Variants in CTNND1 observed in about 807,000 individuals in gnomAD.
The protein encoded by CTNND1 is catenin delta 1.
Under a neutral mutation model 112.1 loss-of-function variants are expected in CTNND1, and 16 were observed. That is an observed-to-expected ratio of 0.14 (90% confidence interval 0.10 to 0.22). The LOEUF (loss-of-function observed/expected upper bound fraction) is 0.22. Among genes scored for constraint, CTNND1 ranks in the 10% least tolerant of loss-of-function variants. CTNND1 has a pLI of 1.00. For missense variants in CTNND1, 1,008 were observed against 1,257.0 expected (o/e 0.80, Z 3.00); for synonymous variants, 420 against 446.5 (o/e 0.94, Z 0.75).
intron 2 of CTNND1, among the ~76,000 whole-genome samples, chr11:57,790,126 GC>G (rs1364479337): frequency 6.6e-6 from 1 of 152,172 alleles, no homozygotes; most frequent in African/African-American, 2.4e-5. Flanking sequence ...CTGTTGTCCA[GC>G]CTGGAGTGCA....
intron 1 of CTNND1, among the ~76,000 whole-genome samples, chr11:57,768,433 G>A (rs1445531586): frequency 5.4e-5 from 6 of 111,448 alleles, no homozygotes; most frequent in Admixed American, 2.7e-4. Flanking sequence ...TTGCTCTGTC[G>A]CCCAGGCTGG....
At chr11:57,776,397 C>T (rs1173287603) in intron 1 of CTNND1, among the ~76,000 whole-genome samples, 3 of 152,124 alleles carry the variant, frequency 2.0e-5, no homozygotes, top group South Asian at 4.1e-4. Context: ...TTTGAATTCT[C>T]AGGCACTCTT....
rs1027580511 is a variant in CTNND1 at position 57,804,681 on chromosome 11, G to T, written c.1623G>T (p.Arg541Ser). The change falls in exon 9 of 21, where the codon AGG (arginine) becomes AGT (serine). Residue 541 changes from arginine to serine, a missense_variant. Physicochemically the swap from Arg to Ser is moderately radical, Grantham distance 110. Transcript: ENST00000399050. Reference sequence around the variant, plus strand: ...CCCTCAGGAATGTAAGCTCAGAGAGGAGTGAAGCTCGCCGGAAACTTCGGG... The same window carrying T: ...CCCTCAGGAATGTAAGCTCAGAGAGTAGTGAAGCTCGCCGGAAACTTCGGG... ...AGCLRNVSSE[R>S]SEARRKLREC... 3 of 1,613,824 alleles carry T rather than the reference G, an allele frequency of 1.9e-6. No homozygotes were observed. The highest frequency in any genetic ancestry group is 1.7e-6 in the Non-Finnish European group (2 of 1,179,788).
intron 6 of CTNND1, among the ~76,000 whole-genome samples, chr11:57,798,296 G>A (rs1042982647): frequency 2.1e-5 from 3 of 144,914 alleles, no homozygotes; most frequent in Non-Finnish European, 4.5e-5. Context: ...GTAGTGAGCC[G>A]AGATCCCGCC....
At chr11:57,784,102 G>T (rs2059891499) in intron 1 of CTNND1, among the ~76,000 whole-genome samples, 1 of 151,640 alleles carries the variant, frequency 6.6e-6, no homozygotes, top group East Asian at 2.0e-4. Context: ...TAATTTTTTT[G>T]TAGAGGTGGG....
intron 6 of CTNND1, among the ~76,000 whole-genome samples, chr11:57,797,282 G>GT (rs1442724838): frequency 6.7e-6 from 1 of 148,740 alleles, no homozygotes; most frequent in Non-Finnish European, 1.5e-5. Flanking sequence ...CCATGCTGGA[G>GT]TACAGGGGTG....
chr11:57,802,683 T>G (rs1011111598), intron 7 of CTNND1, among the ~76,000 whole-genome samples: 1 of 152,266 alleles, frequency 6.6e-6, no homozygotes, highest in African/African-American at 2.4e-5. Flanking sequence ...TATAGACATT[T>G]AAGCTTGTGG....
At chr11:57,784,715 A>G (rs961326186) in intron 1 of CTNND1, among the ~76,000 whole-genome samples, 2 of 152,152 alleles carry the variant, frequency 1.3e-5, no homozygotes, top group Non-Finnish European at 2.9e-5. Context: ...CATGTTGACC[A>G]GGCTGGTTTC....
rs2064000200 is a variant in CTNND1 at position 57,816,450 on chromosome 11, C to T, written c.*142C>T. On this transcript the variant is annotated 3_prime_UTR_variant, in exon 21 of 21. Coordinates refer to ENST00000399050, the MANE Select transcript of CTNND1 (RefSeq NM_001085458.2). ...CTGCCCTTACAGCCCTAAGTGGCTG[C>T]CTTCTTTCCATCAACTCCCAACTTC... The T allele has an allele frequency of 3.0e-6, 3 of 998,092 alleles. No homozygotes were observed. The highest frequency in any genetic ancestry group is 4.6e-6 in the Non-Finnish European group (3 of 650,898). The allele number at this position is 998,092 out of a possible 1,614,324, so 61.8% of individuals were successfully genotyped here. A position where few individuals can be genotyped will look rare whatever the true frequency, so the allele number is the denominator to read the frequency against.
At chr11:57,787,607 T>C (rs1390010073) in intron 1 of CTNND1, among the ~76,000 whole-genome samples, 1 of 152,190 alleles carries the variant, frequency 6.6e-6, no homozygotes, top group Non-Finnish European at 1.5e-5. Flanking sequence ...GCAAATGGAT[T>C]TGGCATCTTA....
At chr11:57,812,896 A>G (rs1235588111) in intron 17 of CTNND1, among the ~76,000 whole-genome samples, 1 of 152,210 alleles carries the variant, frequency 6.6e-6, no homozygotes, top group African/African-American at 2.4e-5. Flanking sequence ...TTTGGCAGAC[A>G]TTTTCTCAAA....
rs2062869002 is a variant in CTNND1 at position 57,807,653 on chromosome 11, TACTAAAAGAAATTTGG to T, written c.1964-510_1964-495del. ...AAAAGAAAAGATACTTTTTGTACTT[TACTAAAAGAAATTTGG>T]ATCTTTATATTCATCAATACAGTGA... On this transcript the variant is annotated intron_variant, in intron 12 of 20. Transcript: ENST00000399050. Among the ~76,000 whole-genome samples the T allele has an allele frequency of 3.3e-5, 5 of 151,486 alleles. No homozygotes were observed. The South Asian group carries it at 1.0e-3, about 32-fold the overall frequency.
intron 6 of CTNND1, among the ~76,000 whole-genome samples, chr11:57,797,510 C>T (rs1340845081): frequency 1.5e-5 from 2 of 135,192 alleles, no homozygotes; most frequent in Non-Finnish European, 3.1e-5. Context: ...GGATTACAGG[C>T]GTGAGCCACC....
intron 1 of CTNND1, among the ~76,000 whole-genome samples, chr11:57,763,558 G>A (rs1322797779): frequency 1.3e-5 from 2 of 152,118 alleles, no homozygotes; most frequent in African/African-American, 4.8e-5. Context: ...CTAGGCAAAG[G>A]CTGCAGGAAA....
At chr11:57,767,699 T>C (rs550981359) in intron 1 of CTNND1, among the ~76,000 whole-genome samples, 3 of 152,116 alleles carry the variant, frequency 2.0e-5, no homozygotes, top group South Asian at 2.1e-4. Context: ...TTATAGATTG[T>C]TGTGACACTT....
At chr11:57,765,623 T>C (rs1950864340) in intron 1 of CTNND1, among the ~76,000 whole-genome samples, 1 of 151,896 alleles carries the variant, frequency 6.6e-6, no homozygotes, top group South Asian at 2.1e-4. Flanking sequence ...CACACCACTA[T>C]GCTTGGCTAA....
chr11:57,803,934 T>G (rs974220227), intron 8 of CTNND1, 130 bp downstream of exon 8: 4 of 622,082 alleles, frequency 6.4e-6, no homozygotes. Context: ...TTGCATACTG[T>G]AACTCCAACC....
intron 4 of CTNND1, 85 bp from the exon 5 acceptor site, chr11:57,795,492 G>A (rs1304101214): frequency 6.9e-6 from 10 of 1,454,056 alleles, no homozygotes; most frequent in Non-Finnish European, 9.3e-6. Context: ...CTGTCTCCAG[G>A]TTTACCACTT....
intron 12 of CTNND1, 60 bp downstream of exon 12, chr11:57,807,043 A>C: frequency 7.5e-7 from 1 of 1,327,030 alleles, no homozygotes; most frequent in South Asian, 1.3e-5. Flanking sequence ...TAAGATATTT[A>C]GTAACCTAAC....
Sources: allele counts gnomAD v4.1 joint callset (sites outside exome capture counted in the v4.1 genomes callset), GRCh38; gene constraint gnomAD v4.1.1; transcripts MANE v1.5; gene names NCBI Gene and HGNC (gene_info 2026-07-23, HGNC 2026-07-21).